Variants in RELL1 observed in about 807,000 individuals in gnomAD.
The protein encoded by RELL1 is RELT like 1.
A neutral mutation model predicts 23.0 loss-of-function variants in RELL1; 10 were observed. The ratio of observed to expected loss-of-function variants is 0.43; its 90% confidence interval spans 0.27 to 0.74. The LOEUF is 0.74. Among genes scored for constraint, RELL1 ranks in the 30% least tolerant of loss-of-function variants. The pLI is 0.19. For synonymous variants in RELL1, 146 were observed against 146.8 expected (o/e 0.99, Z 0.04); for missense variants, 315 against 364.4 (o/e 0.86, Z 1.10).
chr4:37,647,098 A>G (rs1445469094), intron 3 of RELL1, among the ~76,000 whole-genome samples: 2 of 152,200 alleles, frequency 1.3e-5, no homozygotes, highest in African/African-American at 2.4e-5. Context: ...AGTTTCCCCA[A>G]ATTGCACACA....
At chr4:37,598,600 G>A (rs1193665417) in intron 6 of RELL1, among the ~76,000 whole-genome samples, 1 of 152,048 alleles carries the variant, frequency 6.6e-6, no homozygotes, top group African/African-American at 2.4e-5. Flanking sequence ...ATGGGAAAAT[G>A]GAGGCTCAAA....
chr4:37,604,840 G>GACACACACATAC (rs140152997), intron 6 of RELL1, among the ~76,000 whole-genome samples: 1 of 37,848 alleles, frequency 2.6e-5, no homozygotes, highest in African/African-American at 8.9e-5. Context: ...CATACACACA[G>GACACACACATAC]ACACACACAC....
At chr4:37,602,104 C>T (rs2109487646) in intron 6 of RELL1, among the ~76,000 whole-genome samples, 1 of 151,002 alleles carries the variant, frequency 6.6e-6, no homozygotes, top group Non-Finnish European at 1.5e-5. Context: ...GCAGTCCCAG[C>T]TACTTGGGAG....
chr4:37,666,810 C>T (rs530052733), intron 1 of RELL1, among the ~76,000 whole-genome samples: 3 of 152,180 alleles, frequency 2.0e-5, no homozygotes, highest in Non-Finnish European at 4.4e-5. Flanking sequence ...GAACAGGAAG[C>T]AGATAATGAC....
rs943458433 is a variant in RELL1, at chr4:37,611,803, C to T, written c.*1543G>A. On this transcript the variant is annotated 3_prime_UTR_variant, in exon 7 of 7. Transcript: ENST00000454158. ...TAACTGGAGTGTTTTAAATAATGAG[C>T]ATTAGTTACAGGATGAAAAACAGGA... 2.0e-5 allele frequency among the ~76,000 whole-genome samples: 3 copies of T among 151,632 alleles called. No individual in the cohort carries two copies. Among genetic ancestry groups the T allele is most frequent in the Non-Finnish European group, 4.4e-5 (3 of 67,976 alleles).
At chr4:37,603,803 CT>C (rs1337019241) in intron 6 of RELL1, among the ~76,000 whole-genome samples, 11 of 151,968 alleles carry the variant, frequency 7.2e-5, no homozygotes, top group East Asian at 3.9e-4. Flanking sequence ...GTGCTGGTTG[CT>C]TTTTTTTGTT....
intron 4 of RELL1, among the ~76,000 whole-genome samples, chr4:37,637,801 A>G (rs989420181): frequency 1.3e-5 from 2 of 152,250 alleles, no homozygotes; most frequent in Non-Finnish European, 2.9e-5. Context: ...TTATGAAGGA[A>G]TATGCTGCTC....
intron 3 of RELL1, among the ~76,000 whole-genome samples, chr4:37,646,461 C>T (rs1275223468): frequency 2.6e-5 from 4 of 152,064 alleles, no homozygotes; most frequent in Non-Finnish European, 5.9e-5. Flanking sequence ...GAGTGGCTGC[C>T]TAAAGTGTCC....
chr4:37,599,284 C>T (rs946354447), intron 6 of RELL1, among the ~76,000 whole-genome samples: 3 of 152,120 alleles, frequency 2.0e-5, no homozygotes, highest in African/African-American at 2.4e-5. Flanking sequence ...ATGGGAGGGC[C>T]GCTGAACGAG....
At chr4:37,644,700 T>A (rs1241044307) in intron 3 of RELL1, among the ~76,000 whole-genome samples, 1 of 151,916 alleles carries the variant, frequency 6.6e-6, no homozygotes, top group African/African-American at 2.4e-5. Context: ...CCTCAAGTGA[T>A]CCTCCTACCT....
intron 6 of RELL1, among the ~76,000 whole-genome samples, chr4:37,603,752 G>T (rs986130047): frequency 5.3e-5 from 8 of 152,194 alleles, no homozygotes; most frequent in African/African-American, 1.9e-4. Flanking sequence ...TTCTTTCCTG[G>T]TGTGAGGAAA....
intron 6 of RELL1, among the ~76,000 whole-genome samples, chr4:37,596,497 C>T (rs910770336): frequency 6.6e-6 from 1 of 151,400 alleles, no homozygotes; most frequent in Admixed American, 6.6e-5. Context: ...TGCACACACC[C>T]TTAATATAAG....
intron 6 of RELL1, among the ~76,000 whole-genome samples, chr4:37,618,363 G>A (rs1032786520): frequency 6.6e-6 from 1 of 151,752 alleles, no homozygotes; most frequent in African/African-American, 2.4e-5. Flanking sequence ...GGGACTACAG[G>A]TGCATGCCAC....
At chr4:37,681,221 C>A (rs936210189) in intron 1 of RELL1, among the ~76,000 whole-genome samples, 1 of 152,178 alleles carries the variant, frequency 6.6e-6, no homozygotes, top group African/African-American at 2.4e-5. Flanking sequence ...GCTATCACCA[C>A]CTCCAGAATA....
chr4:37,645,274 T>C (rs1720673052), intron 3 of RELL1, among the ~76,000 whole-genome samples: 1 of 152,198 alleles, frequency 6.6e-6, no homozygotes, highest in Non-Finnish European at 1.5e-5. Flanking sequence ...CAGTCTGGAA[T>C]GTGAAAGGCA....
At chr4:37,679,933 C>G (rs1283452976) in intron 1 of RELL1, among the ~76,000 whole-genome samples, 6 of 151,934 alleles carry the variant, frequency 3.9e-5, no homozygotes, top group Non-Finnish European at 7.4e-5. Context: ...GCCTGGGAGA[C>G]AGAGAGAGAC....
intron 6 of RELL1, among the ~76,000 whole-genome samples, chr4:37,594,247 G>T (rs894519516): frequency 6.6e-6 from 1 of 152,224 alleles, no homozygotes; most frequent in Non-Finnish European, 1.5e-5. Context: ...CTACCAGGTT[G>T]TCTAACAGTG....
At chr4:37,669,614 G>A (rs368791541) in intron 1 of RELL1, among the ~76,000 whole-genome samples, 1 of 152,216 alleles carries the variant, frequency 6.6e-6, no homozygotes, top group African/African-American at 2.4e-5. Context: ...GGGAAAAGAT[G>A]GAGAAATCGG....
chr4:37,598,537 T>C (rs769425864), intron 6 of RELL1, among the ~76,000 whole-genome samples: 3 of 152,112 alleles, frequency 2.0e-5, no homozygotes, highest in Non-Finnish European at 4.4e-5. Context: ...ATCATCTCAC[T>C]GAAGTCTACC....
Sources: allele counts gnomAD v4.1 joint callset (sites outside exome capture counted in the v4.1 genomes callset), GRCh38; gene constraint gnomAD v4.1.1; transcripts MANE v1.5; gene names NCBI Gene and HGNC (gene_info 2026-07-23, HGNC 2026-07-21).